Variants in FTO observed in about 807,000 individuals in gnomAD.
FTO encodes the protein alpha-ketoglutarate-dependent dioxygenase FTO.
In FTO, 47 loss-of-function variants were observed where a neutral mutation model predicts 63.9. The observed-to-expected ratio is 0.74, with a 90% CI of 0.58 to 0.94. The LOEUF (loss-of-function observed/expected upper bound fraction) is 0.94. Among genes scored for constraint, FTO ranks in the 40% least tolerant of loss-of-function variants. The pLI is 0.00. For missense variants in FTO, 562 were observed against 618.1 expected (o/e 0.91, Z 0.96); for synonymous variants, 207 against 224.4 (o/e 0.92, Z 0.69).
chr16:53,994,871 T>C (rs553482288), intron 8 of FTO, among the ~76,000 whole-genome samples: 62 of 152,080 alleles, frequency 4.1e-4, no homozygotes, highest in African/African-American at 1.4e-3. Context: ...GTAGCTGGGT[T>C]TACAGGTGGA....
At chr16:53,720,217 G>T (rs763903917) in intron 1 of FTO, among the ~76,000 whole-genome samples, 3 of 152,006 alleles carry the variant, frequency 2.0e-5, no homozygotes, top group Non-Finnish European at 4.4e-5. Flanking sequence ...CACTTACTAC[G>T]TATTACCTTG....
intron 5 of FTO, among the ~76,000 whole-genome samples, chr16:53,875,082 A>AAGGG (rs2080609867): frequency 6.6e-6 from 1 of 151,646 alleles, no homozygotes; most frequent in Non-Finnish European, 1.5e-5. Context: ...GGAAGAAAAG[A>AAGGG]AGGGAGGGAG....
At chr16:54,067,444 G>C (rs1445868886) in intron 8 of FTO, among the ~76,000 whole-genome samples, 3 of 152,168 alleles carry the variant, frequency 2.0e-5, no homozygotes, top group African/African-American at 7.2e-5. Context: ...TAATAAACCT[G>C]CTAAATCTTT....
At chr16:53,914,827 A>C (rs904806727) in intron 7 of FTO, among the ~76,000 whole-genome samples, 3 of 152,200 alleles carry the variant, frequency 2.0e-5, no homozygotes, top group Non-Finnish European at 2.9e-5. Context: ...TCCTTTCTCT[A>C]ACAGCAGTAA....
At chr16:54,089,514 G>A (rs184509049) in intron 8 of FTO, among the ~76,000 whole-genome samples, 6 of 152,208 alleles carry the variant, frequency 3.9e-5, no homozygotes, top group Non-Finnish European at 7.4e-5. Context: ...ACGGTTAAGA[G>A]TTAATGGAAA....
At chr16:53,806,798 A>G (rs2078383663) in intron 1 of FTO, among the ~76,000 whole-genome samples, 2 of 152,194 alleles carry the variant, frequency 1.3e-5, no homozygotes, top group African/African-American at 4.8e-5. Context: ...AACATGGTAC[A>G]AGTGTATTAG....
intron 1 of FTO, among the ~76,000 whole-genome samples, chr16:53,714,767 C>T (rs1412791201): frequency 6.6e-6 from 1 of 152,096 alleles, no homozygotes; most frequent in Non-Finnish European, 1.5e-5. Flanking sequence ...TCATAAAACA[C>T]GATCCTTGTG....
At chr16:53,880,835 GGCTCAC>G (rs1434704959) in intron 6 of FTO, among the ~76,000 whole-genome samples, 1 of 151,072 alleles carries the variant, frequency 6.6e-6, no homozygotes, top group Non-Finnish European at 1.5e-5. Context: ...CGGGTGTGGT[GGCTCAC>G]GCCTATAATC....
At chr16:53,995,662 G>A (rs2083918880) in intron 8 of FTO, among the ~76,000 whole-genome samples, 1 of 152,162 alleles carries the variant, frequency 6.6e-6, no homozygotes, top group African/African-American at 2.4e-5. Context: ...TTTCAGAGAT[G>A]ACCATGTATA....
intron 8 of FTO, among the ~76,000 whole-genome samples, chr16:54,107,978 G>T (rs955364048): frequency 6.6e-6 from 1 of 152,202 alleles, no homozygotes. Context: ...GGCTAGGACA[G>T]CGTGATGTAC....
chr16:53,728,625 G>A (rs892275382), intron 1 of FTO, among the ~76,000 whole-genome samples: 1 of 152,136 alleles, frequency 6.6e-6, no homozygotes, highest in Non-Finnish European at 1.5e-5. Flanking sequence ...AAAAATTAGT[G>A]TAAGAGGATA....
At chr16:53,732,440 A>C (rs535762452) in intron 1 of FTO, among the ~76,000 whole-genome samples, 81 of 152,294 alleles carry the variant, frequency 5.3e-4, no homozygotes, top group African/African-American at 1.8e-3. Context: ...CACTTTACAA[A>C]TATCCTGTTA....
intron 8 of FTO, among the ~76,000 whole-genome samples, chr16:54,048,690 A>T (rs190403052): frequency 2.6e-5 from 4 of 152,300 alleles, no homozygotes; most frequent in Admixed American, 2.6e-4. Flanking sequence ...TAGATTAAAC[A>T]TGAGCCCTCT....
At chr16:53,968,399 A>G (rs1196637653) in intron 8 of FTO, among the ~76,000 whole-genome samples, 1 of 152,232 alleles carries the variant, frequency 6.6e-6, no homozygotes, top group Non-Finnish European at 1.5e-5. Context: ...AGTTTCATAT[A>G]TGAAGATAAT....
At chr16:53,704,846 C>A (rs1398892239) in intron 1 of FTO, among the ~76,000 whole-genome samples, 1 of 152,142 alleles carries the variant, frequency 6.6e-6, no homozygotes, top group Non-Finnish European at 1.5e-5. Flanking sequence ...TAAATTATTT[C>A]ATATCATTGT....
intron 7 of FTO, among the ~76,000 whole-genome samples, chr16:53,902,894 A>G (rs1384078582): frequency 6.6e-6 from 1 of 152,194 alleles, no homozygotes; most frequent in Non-Finnish European, 1.5e-5. Context: ...GGCGAGGATC[A>G]CTTCAGACTA....
At position 54,115,227 on chromosome 16, in the gene FTO, G is replaced by C. The variant is rs533183237; in HGVS notation, c.*3312G>C. 2.0e-5 allele frequency: 3 copies of C among 152,260 alleles called. No homozygotes were observed. Among genetic ancestry groups the C allele is most frequent in the African/African-American group, 7.2e-5 (3 of 41,534 alleles). 9.4% of individuals were successfully genotyped at this position (152,260 alleles called of 1,614,324 possible). On this transcript the variant is annotated 3_prime_UTR_variant, in exon 9 of 9. Coordinates refer to ENST00000471389, the MANE Select transcript of FTO (RefSeq NM_001080432.3). ...GTCTCTTGAGAAAAGTGATCTAAGA[G>C]ATCCCTTTGCAATGAGGTGCTACTG...
At chr16:54,067,885 C>CT (rs2085771567) in intron 8 of FTO, among the ~76,000 whole-genome samples, 1 of 152,180 alleles carries the variant, frequency 6.6e-6, no homozygotes, top group Non-Finnish European at 1.5e-5. Flanking sequence ...AAAGGCTAAG[C>CT]AGCTCTGTGT....
chr16:53,924,634 ACAG>A (rs2082094558), intron 7 of FTO, among the ~76,000 whole-genome samples: 1 of 152,110 alleles, frequency 6.6e-6, no homozygotes, highest in Non-Finnish European at 1.5e-5. Context: ...AAGGATGAAG[ACAG>A]CAGCCTTAAG....
Sources: gnomAD v4.1 joint callset for allele counts (sites outside exome capture counted in the v4.1 genomes callset) on GRCh38, gnomAD v4.1.1 for gene constraint, MANE v1.5 for transcripts, NCBI Gene and HGNC (gene_info 2026-07-23, HGNC 2026-07-21) for gene names.